The following KANK1 variants were observed in gnomAD, a reference collection of about 807,000 sequenced individuals.
The protein encoded by KANK1 is KN motif and ankyrin repeat domains 1, also known as KN motif and ankyrin repeat domain-containing protein 1.
A neutral mutation model predicts 106.2 loss-of-function variants in KANK1; 109 were observed. The observed-to-expected ratio is 1.03, with a 90% CI of 0.88 to 1.20. The LOEUF (loss-of-function observed/expected upper bound fraction) is 1.20. KANK1 is among the 50% of genes most tolerant of loss of function. The pLI is 0.00. For missense variants in KANK1, 2,399 were observed against 1,710.7 expected, an observed-to-expected ratio of 1.40 and a Z score of -7.10; for synonymous variants, 873 against 652.2, an observed-to-expected ratio of 1.34 and a Z score of -5.16.
intron 1 of KANK1, among the ~76,000 whole-genome samples, chr9:568,893 A>T (rs974460931): frequency 6.6e-6 from 1 of 152,120 alleles, no homozygotes; most frequent in African/African-American, 2.4e-5. Context: ...AACCCTTAAT[A>T]TGTTTTGCCA....
At chr9:718,503 T>C (rs960344533) in intron 3 of KANK1, among the ~76,000 whole-genome samples, 1 of 151,446 alleles carries the variant, frequency 6.6e-6, no homozygotes, top group Non-Finnish European at 1.5e-5. Flanking sequence ...AGAGACAAGG[T>C]CTCCCCATGT....
chr9:575,248 A>C (rs942406661), intron 1 of KANK1, among the ~76,000 whole-genome samples: 2 of 152,238 alleles, frequency 1.3e-5, no homozygotes, highest in African/African-American at 4.8e-5. Flanking sequence ...TTTGGAGATA[A>C]GCTCCACTTA....
chr9:681,150 C>T (rs1853424), intron 2 of KANK1: 57,059 of 152,204 alleles, frequency 0.37, 12,115 homozygotes, highest in Non-Finnish European at 0.48. Context: ...GCCCAGTAGT[C>T]TGAGGCTGCA....
At chr9:515,706 T>C (rs1159941313) in intron 1 of KANK1, among the ~76,000 whole-genome samples, 2 of 151,832 alleles carry the variant, frequency 1.3e-5, no homozygotes, top group Non-Finnish European at 2.9e-5. Context: ...AATTTCCACA[T>C]AAATGTAAAA....
At chr9:704,992 CAAAAAAAAAAA>C (rs71314728) in intron 2 of KANK1, among the ~76,000 whole-genome samples, 4 of 53,078 alleles carry the variant, frequency 7.5e-5, no homozygotes, top group South Asian at 1.7e-3. Flanking sequence ...GACCCTGTCT[CAAAAAAAAAAA>C]AAAAAAAAAA....
intron 1 of KANK1, among the ~76,000 whole-genome samples, chr9:632,391 GTTAATC>G (rs1835953223): frequency 6.6e-6 from 1 of 152,160 alleles, no homozygotes; most frequent in Admixed American, 6.5e-5. Context: ...TAATTGTATT[GTTAATC>G]TTAAAATGAA....
At chr9:520,694 T>A (rs1563709091) in intron 1 of KANK1, among the ~76,000 whole-genome samples, 2 of 151,866 alleles carry the variant, frequency 1.3e-5, no homozygotes, top group Non-Finnish European at 2.9e-5. Flanking sequence ...TTGAAAAGAT[T>A]ATGCCTCAGA....
chr9:636,753 G>T lies in KANK1; in HGVS notation c.-83-40137G>T, dbSNP rs1337128584. Among the ~76,000 whole-genome samples, 3 of 152,174 alleles carry T rather than the reference G, an allele frequency of 2.0e-5. No homozygotes were observed. In the East Asian group the frequency reaches 5.8e-4, roughly 29 times the overall value. On this transcript the variant is annotated intron_variant, in intron 1 of 11. Transcript: ENST00000382297. ...ATGGTGGTGTGTGCTTGTAATCCCA[G>T]CTACTCAGGAGGCTGAGGCAGGAGA...
intron 1 of KANK1, among the ~76,000 whole-genome samples, chr9:577,656 C>T (rs1470411392): frequency 6.6e-6 from 1 of 152,134 alleles, no homozygotes; most frequent in Non-Finnish European, 1.5e-5. Context: ...TGACCAGAAA[C>T]AGCATCACTT....
chr9:703,593 G>C (rs757188505), intron 2 of KANK1, among the ~76,000 whole-genome samples: 4 of 152,118 alleles, frequency 2.6e-5, no homozygotes, highest in Non-Finnish European at 5.9e-5. Flanking sequence ...TTACTCTCAG[G>C]ATTTCAGTTG....
intron 8 of KANK1, 124 bp downstream of exon 8, chr9:738,628 C>A (rs1834461324): frequency 5.3e-6 from 4 of 749,116 alleles, no homozygotes; most frequent in African/African-American, 1.7e-5. Flanking sequence ...TATTGCTTTT[C>A]CACATGACAT....
intron 1 of KANK1, among the ~76,000 whole-genome samples, chr9:571,582 T>TAAAAACGTTTTTTAAAAAG (rs1819183708): frequency 1.3e-5 from 2 of 151,964 alleles, no homozygotes; most frequent in South Asian, 4.2e-4. Flanking sequence ...AAAAAAATTT[T>TAAAAACGTTTTTTAAAAAG]AAAAACGTTT....
chr9:738,140 T>G, intron 7 of KANK1, 145 bp from the exon 8 acceptor site: 1 of 646,714 alleles, frequency 1.5e-6, no homozygotes, highest in Non-Finnish European at 2.7e-6. Flanking sequence ...TGTTTGAAGC[T>G]TCTCTTAGGG....
intron 1 of KANK1, among the ~76,000 whole-genome samples, chr9:641,906 T>C (rs1035599299): frequency 2.0e-5 from 3 of 152,148 alleles, no homozygotes; most frequent in Non-Finnish European, 2.9e-5. Flanking sequence ...CGTGTAACCA[T>C]TGGCATAAAC....
At chr9:572,798 C>G (rs1039043449) in intron 1 of KANK1, among the ~76,000 whole-genome samples, 3 of 152,262 alleles carry the variant, frequency 2.0e-5, no homozygotes, top group East Asian at 1.9e-4. Context: ...TAAAACATCG[C>G]TGTTTCTGGC....
At chr9:742,464 C>T in intron 10 of KANK1, 59 bp downstream of exon 10, 1 of 1,394,890 alleles carries the variant, frequency 7.2e-7, no homozygotes, top group South Asian at 1.3e-5. Context: ...GACGGGAGCT[C>T]TGGGAGTGCC....
chr9:675,533 A>G (rs549279142), intron 1 of KANK1, among the ~76,000 whole-genome samples: 1 of 152,208 alleles, frequency 6.6e-6, no homozygotes, highest in Non-Finnish European at 1.5e-5. Context: ...TTTGTTTTAA[A>G]TTTTGTGATT....
At position 745,883 on chromosome 9, in the gene KANK1, G is replaced by A. The variant is rs145928526; in HGVS notation, c.*648G>A. ...ATACTAAAGCCATGAAGAACTACAC[G>A]TAACATCATCATTTGTATTAATTGC... On this transcript the variant is annotated 3_prime_UTR_variant, in exon 12 of 12. Transcript: ENST00000382297. The A allele has an allele frequency of 5.9e-5, 9 of 152,592 alleles. No individual in the cohort carries two copies. The highest frequency in any genetic ancestry group is 1.7e-4 in the African/African-American group (7 of 41,434). The allele number at this position is 152,592 out of a possible 1,614,324, so 9.5% of individuals were successfully genotyped here. A position where few individuals can be genotyped will look rare whatever the true frequency, so the allele number is the denominator to read the frequency against.
intron 1 of KANK1, among the ~76,000 whole-genome samples, chr9:629,437 C>T (rs10975480): frequency 0.06 from 9,161 of 152,172 alleles, 752 homozygotes; most frequent in East Asian, 0.24. Context: ...AATATTTCTA[C>T]GTGTAATGGA....
Sources: allele counts gnomAD v4.1 joint callset (sites outside exome capture counted in the v4.1 genomes callset), GRCh38; gene constraint gnomAD v4.1.1; transcripts MANE v1.5; gene names NCBI Gene and HGNC (gene_info 2026-07-23, HGNC 2026-07-21).